The following PLAAT2 variants were observed in gnomAD, a reference collection of about 807,000 sequenced individuals.
PLAAT2 encodes phospholipase A and acyltransferase 2.
A neutral mutation model predicts 12.8 loss-of-function variants in PLAAT2; 12 were observed. That is an observed-to-expected ratio of 0.94 (90% CI 0.60 to 1.52). The LOEUF is 1.52. Ranked by LOEUF, PLAAT2 falls within the 40% of genes most tolerant of loss-of-function variation. PLAAT2 has a pLI of 0.00. For synonymous variants in PLAAT2, 79 were observed against 86.8 expected (o/e 0.91, Z 0.50); for missense variants, 166 against 208.1 (o/e 0.80, Z 1.24).
chr11:63,560,542 T>C lies in PLAAT2; in HGVS notation c.10-349A>G, dbSNP rs551409365. Among the ~76,000 whole-genome samples, 5 of 152,324 alleles carry C rather than the reference T, an allele frequency of 3.3e-5. No individual in the cohort carries two copies. The East Asian group carries it at 9.7e-4, about 29-fold the overall frequency. On this transcript the variant is annotated intron_variant, in intron 1 of 3. Coordinates refer to ENST00000255695, the MANE Select transcript of PLAAT2 (RefSeq NM_017878.2). ...TTTTGTCAGCTAGTGACTGCATGAT[T>C]CCGAAGGAAGCCTAAAATGCCTCTT...
At chr11:63,556,147 C>A (rs576450008) in intron 3 of PLAAT2, among the ~76,000 whole-genome samples, 1 of 152,268 alleles carries the variant, frequency 6.6e-6, no homozygotes, top group East Asian at 1.9e-4. Context: ...AGTCCACTTT[C>A]TTACAGAGCA....
chr11:63,559,243 C>A (rs1178141694), intron 2 of PLAAT2, among the ~76,000 whole-genome samples: 1 of 152,184 alleles, frequency 6.6e-6, no homozygotes, highest in Non-Finnish European at 1.5e-5. Flanking sequence ...TTACAGGCTG[C>A]AGTGAGCTGT....
upstream of PLAAT2, among the ~76,000 whole-genome samples, chr11:63,564,011 GC>G (rs2017542947): frequency 6.6e-6 from 1 of 152,062 alleles, no homozygotes; most frequent in African/African-American, 2.4e-5. Flanking sequence ...GGAGAGAGGA[GC>G]CCCAGAGAGA....
At chr11:63,556,137 A>G (rs1165856621) in intron 3 of PLAAT2, among the ~76,000 whole-genome samples, 1 of 152,202 alleles carries the variant, frequency 6.6e-6, no homozygotes, top group Admixed American at 6.5e-5. Context: ...AGCTTTCACA[A>G]GTCCACTTTC....
In PLAAT2 at chr11:63,558,409, C is replaced by T. The variant is rs142689067; in HGVS notation, c.370G>A (p.Val124Ile). ...EHFVNHLRYG[V>I]SRSDQVTGAV... Reference sequence around the variant, plus strand: ...AGATGCACCTGGTCACTGCGGGAGACGCCATAGCGCAGATGGTTCACGAAG... The same window carrying T: ...AGATGCACCTGGTCACTGCGGGAGATGCCATAGCGCAGATGGTTCACGAAG... The change falls in exon 3 of 4, where the codon GTC becomes ATC. Residue 124 changes from valine (V) to isoleucine (I), a missense_variant. Transcript: ENST00000255695. The T allele has an allele frequency of 3.0e-5, 48 of 1,614,144 alleles. No individual in the cohort carries two copies. The highest frequency in any genetic ancestry group is 2.7e-4 in the African/African-American group (20 of 75,042).
At chr11:63,563,508 G>A, upstream of PLAAT2, 1 of 623,108 alleles carries the variant, frequency 1.6e-6, no homozygotes, top group Non-Finnish European at 2.8e-6. Flanking sequence ...CACAAGGTCA[G>A]GAGATCGAGA....
At chr11:63,564,671 T>C (rs1347629314), upstream of PLAAT2, among the ~76,000 whole-genome samples, 5 of 152,184 alleles carry the variant, frequency 3.3e-5, no homozygotes, top group Non-Finnish European at 7.3e-5. Context: ...AAAGTATTCC[T>C]TCTGGAGGGA....
intron 1 of PLAAT2, among the ~76,000 whole-genome samples, chr11:63,562,741 A>C (rs1234595288): frequency 1.3e-5 from 2 of 152,228 alleles, no homozygotes; most frequent in African/African-American, 4.8e-5. Context: ...ACCCCTGAGC[A>C]CTTGGGAAAT....
chr11:63,553,115 G>A (rs765469952), intron 3 of PLAAT2, 50 bp from the exon 4 acceptor site: 9 of 1,139,974 alleles, frequency 7.9e-6, no homozygotes, highest in South Asian at 2.5e-5. Flanking sequence ...GCGGGACCAC[G>A]ATACATACAC....
chr11:63,552,877 G>T lies in PLAAT2; in HGVS notation c.*87C>A. ...AATAAAGATTCATGAACACAAAACA[G>T]TAAAATCAGTAAACCAAACTCCACT... On this transcript the variant is annotated 3_prime_UTR_variant, in exon 4 of 4. Coordinates refer to ENST00000255695, the MANE Select transcript of PLAAT2 (RefSeq NM_017878.2). The T allele has an allele frequency of 1.2e-5, 10 of 848,132 alleles. No individual in the cohort carries two copies. In the South Asian group the frequency reaches 1.3e-4, roughly 11 times the overall value. 52.5% of individuals were successfully genotyped at this position (848,132 alleles called of 1,614,324 possible).
At chr11:63,560,256 G>C (rs1475818938) in intron 1 of PLAAT2, 63 bp from the exon 2 acceptor site, 5 of 1,212,588 alleles carry the variant, frequency 4.1e-6, no homozygotes, top group African/African-American at 1.5e-5. Context: ...TCTAGGGCCT[G>C]ACCTGCAAGG....
chr11:63,564,412 G>A (rs1378884154), upstream of PLAAT2, among the ~76,000 whole-genome samples: 2 of 152,086 alleles, frequency 1.3e-5, no homozygotes, highest in East Asian at 3.9e-4. Flanking sequence ...CATCCTCACT[G>A]TGGGGCATGG....
In PLAAT2 at chr11:63,553,031, G is replaced by A; in HGVS notation, c.422C>T (p.Ala141Val). The change falls in exon 4 of 4, where the codon GCA (alanine) becomes GTA (valine). Residue 141 changes from alanine to valine, a missense_variant. By Grantham distance (64) the Ala-to-Val change is moderately conservative (BLOSUM62 0). Transcript: ENST00000255695. ...AAGGCTTGCGGCAGCCAGCAGGCCT[G>A]CTGCCACACCTACTGTCGTGACTGC... ...TGAVTTVGVA[A>V]GLLAAASLVG... The A allele has an allele frequency of 6.2e-7, 1 of 1,613,636 alleles. No individual in the cohort carries two copies. Among genetic ancestry groups the A allele is most frequent in the Non-Finnish European group, 8.5e-7 (1 of 1,179,816 alleles).
chr11:63,564,761 A>G (rs1486919296), upstream of PLAAT2, among the ~76,000 whole-genome samples: 1 of 152,072 alleles, frequency 6.6e-6, no homozygotes, highest in Non-Finnish European at 1.5e-5. Flanking sequence ...AGGCTTGCTG[A>G]TCATCTTTTT....
chr11:63,556,838 C>T (rs2017470497), intron 3 of PLAAT2, among the ~76,000 whole-genome samples: 1 of 152,196 alleles, frequency 6.6e-6, no homozygotes, highest in African/African-American at 2.4e-5. Context: ...ACAAAGAGGG[C>T]TTCAGAAAGG....
intron 1 of PLAAT2, 29 bp downstream of exon 1, chr11:63,563,287 A>G (rs764574922): frequency 3.1e-6 from 5 of 1,614,010 alleles, no homozygotes; most frequent in Non-Finnish European, 4.2e-6. Flanking sequence ...CCTCAAATCA[A>G]AGCTTTAAAA....
intron 3 of PLAAT2, among the ~76,000 whole-genome samples, chr11:63,557,531 T>C (rs1351827096): frequency 2.0e-5 from 3 of 150,722 alleles, no homozygotes; most frequent in Non-Finnish European, 4.4e-5. Flanking sequence ...AGACTCTGTA[T>C]CAAAAAAAAA....
At chr11:63,556,302 A>G (rs2017466194) in intron 3 of PLAAT2, among the ~76,000 whole-genome samples, 1 of 152,162 alleles carries the variant, frequency 6.6e-6, no homozygotes, top group African/African-American at 2.4e-5. Flanking sequence ...ACAAGGGACA[A>G]ACTAAATAAA....
intron 1 of PLAAT2, 77 bp from the exon 2 acceptor site, chr11:63,560,270 C>G: frequency 1.0e-6 from 1 of 1,003,754 alleles, no homozygotes; most frequent in South Asian, 1.5e-5. Context: ...TGCAAGGAGC[C>G]CCAGCTCAGC....
Sources: allele counts gnomAD v4.1 joint callset (sites outside exome capture counted in the v4.1 genomes callset), GRCh38; gene constraint gnomAD v4.1.1; transcripts MANE v1.5; gene names NCBI Gene and HGNC (gene_info 2026-07-23, HGNC 2026-07-21).